JAKMIP2: variants seen among roughly 807,000 people sequenced by gnomAD.
The protein encoded by JAKMIP2 is janus kinase and microtubule interacting protein 2.
A neutral mutation model predicts 115.0 loss-of-function variants in JAKMIP2; 25 were observed. That is an observed-to-expected ratio of 0.22 (90% confidence interval 0.16 to 0.30). The LOEUF (loss-of-function observed/expected upper bound fraction) is 0.30, where lower values mean the gene tolerates loss of function less well. JAKMIP2 is among the 10% of genes least tolerant of loss of function. JAKMIP2 has a pLI of 1.00. For missense variants in JAKMIP2, 642 were observed against 957.6 expected (o/e 0.67, Z 4.35); for synonymous variants, 334 against 343.6 (o/e 0.97, Z 0.31).
At chr5:147,771,880 T>C (rs1420530921) in intron 1 of JAKMIP2, among the ~76,000 whole-genome samples, 1 of 152,124 alleles carries the variant, frequency 6.6e-6, no homozygotes, top group Non-Finnish European at 1.5e-5. Context: ...TTTTGTGGTA[T>C]TGCTGCTGCT....
chr5:147,679,904 G>T (rs1054834529), intron 1 of JAKMIP2, among the ~76,000 whole-genome samples: 1 of 152,120 alleles, frequency 6.6e-6, no homozygotes, highest in Non-Finnish European at 1.5e-5. Flanking sequence ...TAAAGAGAGC[G>T]ATTTCATACA....
chr5:147,593,913 A>T (rs1412384318), intron 21 of JAKMIP2, among the ~76,000 whole-genome samples: 2 of 152,350 alleles, frequency 1.3e-5, no homozygotes, highest in Non-Finnish European at 2.9e-5. Flanking sequence ...TAAATATAGA[A>T]TAAATATACA....
At chr5:147,662,323 T>C (rs1216512114) in intron 2 of JAKMIP2, among the ~76,000 whole-genome samples, 1 of 152,104 alleles carries the variant, frequency 6.6e-6, no homozygotes, top group Non-Finnish European at 1.5e-5. Context: ...CTCCTCCTTC[T>C]CCCTTCCTGC....
chr5:147,751,611 G>A (rs1186061814), intron 1 of JAKMIP2, among the ~76,000 whole-genome samples: 1 of 147,758 alleles, frequency 6.8e-6, no homozygotes, highest in African/African-American at 2.5e-5. Flanking sequence ...AGGGCACAGG[G>A]CCACAGGGAG....
intron 1 of JAKMIP2, among the ~76,000 whole-genome samples, chr5:147,678,639 A>C (rs1034367655): frequency 6.6e-6 from 1 of 152,150 alleles, no homozygotes; most frequent in Non-Finnish European, 1.5e-5. Context: ...ACATCAAATC[A>C]ATTTATAAGT....
intron 5 of JAKMIP2, among the ~76,000 whole-genome samples, chr5:147,647,636 C>T (rs1216943097): frequency 6.6e-6 from 1 of 152,226 alleles, no homozygotes; most frequent in Non-Finnish European, 1.5e-5. Context: ...TAAGAGTATG[C>T]CCTACATCCA....
At chr5:147,722,452 A>T (rs1753351772) in intron 1 of JAKMIP2, among the ~76,000 whole-genome samples, 1 of 152,148 alleles carries the variant, frequency 6.6e-6, no homozygotes, top group Non-Finnish European at 1.5e-5. Flanking sequence ...TTTTCCTAAA[A>T]ATTCCTCTTC....
intron 1 of JAKMIP2, among the ~76,000 whole-genome samples, chr5:147,718,591 G>C (rs1164297417): frequency 6.6e-6 from 1 of 150,910 alleles, no homozygotes; most frequent in Admixed American, 6.6e-5. Flanking sequence ...TGTATGTGTC[G>C]AGGAATTTAT....
chr5:147,591,836 G>A, intron 21 of JAKMIP2, 150 bp from the exon 22 acceptor site: 1 of 556,378 alleles, frequency 1.8e-6, no homozygotes, highest in Non-Finnish European at 3.2e-6. Context: ...TCTAAGCTTA[G>A]TTACTTTAAT....
chr5:147,651,769 G>A (rs1166061139), intron 3 of JAKMIP2, among the ~76,000 whole-genome samples: 3 of 152,164 alleles, frequency 2.0e-5, no homozygotes, highest in East Asian at 1.9e-4. Flanking sequence ...GCATGATCTT[G>A]TAATATCATC....
chr5:147,623,660 A>G lies in JAKMIP2; in HGVS notation c.2025T>C (p.Ala675=), dbSNP rs759175208. The part of the protein sequence containing the change: ...KWIQQIEGAE[A]ALHQKMMELE... ...ATTCCATCATTTTCTGGTGTAGGGC[A>G]GCCTCAGCTCCTTCAATCTGCTGGA... Residue 675 remains alanine, a synonymous_variant, in exon 17 of 22, where the codon GCT becomes GCC. Coordinates refer to ENST00000616793, the MANE Select transcript of JAKMIP2 (RefSeq NM_001270941.2). The G allele has an allele frequency of 1.9e-6, 3 of 1,612,290 alleles. No individual in the cohort carries two copies. The highest frequency in any genetic ancestry group is 2.5e-6 in the Non-Finnish European group (3 of 1,178,366).
chr5:147,660,311 T>C (rs1220179652), intron 3 of JAKMIP2: 2 of 299,818 alleles, frequency 6.7e-6, no homozygotes. Flanking sequence ...TTGGAAACTA[T>C]AAATAGCAAA....
At chr5:147,629,225 T>G (rs1757249791) in intron 15 of JAKMIP2, among the ~76,000 whole-genome samples, 1 of 152,160 alleles carries the variant, frequency 6.6e-6, no homozygotes, top group Non-Finnish European at 1.5e-5. Context: ...TCACATAGTA[T>G]CACAATAAAT....
At chr5:147,730,115 CAG>C (rs553460788) in intron 1 of JAKMIP2, among the ~76,000 whole-genome samples, 6 of 152,188 alleles carry the variant, frequency 3.9e-5, no homozygotes, top group Non-Finnish European at 8.8e-5. Context: ...ATGGTCTCTG[CAG>C]AGTCTGGCAC....
intron 1 of JAKMIP2, among the ~76,000 whole-genome samples, chr5:147,736,674 G>A (rs544541296): frequency 2.6e-5 from 4 of 151,924 alleles, no homozygotes; most frequent in African/African-American, 9.7e-5. Flanking sequence ...TCAAAACCCT[G>A]TACTTTTATG....
chr5:147,739,805 T>C (rs1754075549), intron 1 of JAKMIP2, among the ~76,000 whole-genome samples: 1 of 152,008 alleles, frequency 6.6e-6, no homozygotes, highest in African/African-American at 2.4e-5. Context: ...GATCATCCTC[T>C]GGGACTAGAC....
At chr5:147,683,897 A>G (rs554446216) in intron 1 of JAKMIP2, among the ~76,000 whole-genome samples, 1 of 152,230 alleles carries the variant, frequency 6.6e-6, no homozygotes, top group Non-Finnish European at 1.5e-5. Flanking sequence ...TAGTTCTATT[A>G]TAAAGAATTG....
intron 21 of JAKMIP2, among the ~76,000 whole-genome samples, chr5:147,594,151 G>A (rs1285725311): frequency 6.6e-6 from 1 of 152,064 alleles, no homozygotes; most frequent in East Asian, 1.9e-4. Context: ...CTTGTAAAAG[G>A]AACTATTATT....
At chr5:147,643,327 A>G (rs1283760566) in intron 7 of JAKMIP2, among the ~76,000 whole-genome samples, 2 of 151,920 alleles carry the variant, frequency 1.3e-5, no homozygotes, top group East Asian at 3.9e-4. Context: ...TTCTCACCTC[A>G]CTCTGGAGAC....
Sources: allele counts gnomAD v4.1 joint callset (sites outside exome capture counted in the v4.1 genomes callset), GRCh38; gene constraint gnomAD v4.1.1; transcripts MANE v1.5; gene names NCBI Gene and HGNC (gene_info 2026-07-23, HGNC 2026-07-21).